The following DNAH14 variants were observed in gnomAD, a reference collection of about 807,000 sequenced individuals.
DNAH14 encodes axonemal beta dynein heavy chain 14.
A neutral mutation model predicts 520.9 loss-of-function variants in DNAH14; 478 were observed. The ratio of observed to expected loss-of-function variants is 0.92; its 90% CI spans 0.85 to 0.99. The LOEUF is 0.99. Ranked by LOEUF, DNAH14 falls within the 50% of genes least tolerant of loss-of-function variation. The pLI is 0.00. For missense variants in DNAH14, 4,831 were observed against 5,234.5 expected, an observed-to-expected ratio of 0.92 and a Z score of 2.38; for synonymous variants, 1,581 against 1,757.2, an observed-to-expected ratio of 0.90 and a Z score of 2.51.
chr1:225,139,142 C>T (rs2079209673), intron 27 of DNAH14, among the ~76,000 whole-genome samples: 1 of 152,158 alleles, frequency 6.6e-6, no homozygotes, highest in Admixed American at 6.5e-5. Context: ...TTGTTCTCCA[C>T]TTGACTGAAT....
intron 36 of DNAH14, among the ~76,000 whole-genome samples, chr1:225,176,390 T>C (rs565788247): frequency 9.2e-5 from 14 of 152,198 alleles, no homozygotes; most frequent in Non-Finnish European, 2.1e-4. Flanking sequence ...TCTTTGAAAA[T>C]GTTCCATGTG....
At position 225,290,928 on chromosome 1, in the gene DNAH14, T is replaced by C. The variant is rs527296560; in HGVS notation, c.8469+846T>C. On this transcript the variant is annotated intron_variant, in intron 55 of 85. Transcript: ENST00000682510. ...GACACTATATAATATATTATTGTTA[T>C]GTATAGTTATCCTACAATGCTATAG... Among the ~76,000 whole-genome samples, 21 of 151,874 alleles carry C rather than the reference T, an allele frequency of 1.4e-4. No individual in the cohort carries two copies. The South Asian group carries it at 4.4e-3, about 31-fold the overall frequency.
chr1:225,257,786 T>C (rs144922323), intron 44 of DNAH14, among the ~76,000 whole-genome samples, 174 bp from the exon 45 acceptor site: 172 of 151,982 alleles, frequency 1.1e-3, no homozygotes, highest in African/African-American at 4.0e-3. Context: ...CTGCCAGCCT[T>C]GGCCTCCCAA....
chr1:225,360,367 G>A (rs1344200966), intron 74 of DNAH14, among the ~76,000 whole-genome samples: 1 of 152,222 alleles, frequency 6.6e-6, no homozygotes, highest in African/African-American at 2.4e-5. Context: ...AGTTAAAAAT[G>A]TAGTATTTTA....
intron 5 of DNAH14, among the ~76,000 whole-genome samples, chr1:224,965,801 G>A (rs930265764): frequency 2.0e-5 from 3 of 152,040 alleles, no homozygotes; most frequent in African/African-American, 7.2e-5. Context: ...TTAAATATAT[G>A]CCATGGTGCC....
chr1:225,176,325 A>T (rs2083328641), intron 36 of DNAH14, among the ~76,000 whole-genome samples: 1 of 152,036 alleles, frequency 6.6e-6, no homozygotes, highest in African/African-American at 2.4e-5. Context: ...ACTTGATTGG[A>T]TTTCCATTTT....
intron 21 of DNAH14, 148 bp from the exon 22 acceptor site, chr1:225,096,970 G>T: frequency 1.6e-6 from 1 of 637,020 alleles, no homozygotes; most frequent in African/African-American, 1.8e-5. Flanking sequence ...AATACAATTA[G>T]ATCTGTATTC....
chr1:225,068,220 CTTGTCT>C (rs1447606326), intron 17 of DNAH14, among the ~76,000 whole-genome samples: 1 of 152,140 alleles, frequency 6.6e-6, no homozygotes, highest in African/African-American at 2.4e-5. Flanking sequence ...TTCCCCATTG[CTTGTCT>C]TTGTCAGGTT....
In DNAH14 at chr1:225,381,591, T is replaced by G; in HGVS notation, c.13077+12T>G. On this transcript the variant is annotated intron_variant, in intron 81 of 85. Transcript: ENST00000682510. ...CTACATTGTGGCAGGTAAGCAATTA[T>G]TATTATTTCCTATTTTCTTGCTTGC... 4 of 1,492,976 alleles carry G rather than the reference T, an allele frequency of 2.7e-6. No homozygotes were observed. The highest frequency in any genetic ancestry group is 3.6e-6 in the Non-Finnish European group (4 of 1,118,998). The allele number at this position is 1,492,976 out of a possible 1,614,324, so 92.5% of individuals were successfully genotyped here.
chr1:225,308,428 T>C lies in DNAH14; in HGVS notation c.9240+18T>C, dbSNP rs773279136. 128 of 1,502,882 alleles carry C rather than the reference T, an allele frequency of 8.5e-5. No homozygotes were observed. The highest frequency in any genetic ancestry group is 1.1e-4 in the Non-Finnish European group (123 of 1,131,702). 93.1% of individuals were successfully genotyped at this position (1,502,882 alleles called of 1,614,324 possible). A position where few individuals can be genotyped will look rare whatever the true frequency, so the allele number is the denominator to read the frequency against. Reference sequence around the variant, plus strand: ...ATGCTCAGGTAAAATTAAAATATTGTCAATAAAAATAATTTGGAGATTTGA... The same window carrying C: ...ATGCTCAGGTAAAATTAAAATATTGCCAATAAAAATAATTTGGAGATTTGA... On this transcript the variant is annotated intron_variant, in intron 60 of 85. Coordinates refer to ENST00000682510, the MANE Select transcript of DNAH14 (RefSeq NM_001367479.1).
At chr1:225,117,365 TAA>T (rs1156435781) in intron 23 of DNAH14, among the ~76,000 whole-genome samples, 1 of 150,998 alleles carries the variant, frequency 6.6e-6, no homozygotes, top group African/African-American at 2.4e-5. Flanking sequence ...TCAATAATAA[TAA>T]TAATTATTAT....
At chr1:225,384,658 C>A (rs767029455) in intron 81 of DNAH14, among the ~76,000 whole-genome samples, 11 of 152,168 alleles carry the variant, frequency 7.2e-5, no homozygotes, top group Admixed American at 1.3e-4. Flanking sequence ...GACAGGTACA[C>A]CCTCCCAAGA....
chr1:225,205,071 T>G (rs147608589), intron 39 of DNAH14, among the ~76,000 whole-genome samples: 13 of 152,278 alleles, frequency 8.5e-5, no homozygotes, highest in African/African-American at 2.6e-4. Flanking sequence ...ATTTTCTGTC[T>G]GCATAGTGAC....
chr1:225,016,912 A>G (rs1259426741), intron 10 of DNAH14, among the ~76,000 whole-genome samples: 3 of 151,752 alleles, frequency 2.0e-5, no homozygotes, highest in African/African-American at 4.8e-5. Flanking sequence ...TATGATATAT[A>G]TCTTTATTTA....
intron 60 of DNAH14, 68 bp from the exon 61 acceptor site, chr1:225,318,503 TCCAAGTTCAGCA>T: frequency 8.1e-7 from 1 of 1,233,432 alleles, no homozygotes; most frequent in Non-Finnish European, 1.1e-6. Flanking sequence ...AATTATATTT[TCCAAGTTCAGCA>T]TACAAAAATT....
At chr1:225,268,128 T>C (rs2093185750) in intron 49 of DNAH14, among the ~76,000 whole-genome samples, 1 of 152,136 alleles carries the variant, frequency 6.6e-6, no homozygotes, top group Non-Finnish European at 1.5e-5. Context: ...CTAACCTCAA[T>C]AACATATTGC....
chr1:225,326,349 C>T (rs2094668298), intron 64 of DNAH14, among the ~76,000 whole-genome samples: 1 of 152,152 alleles, frequency 6.6e-6, no homozygotes, highest in African/African-American at 2.4e-5. Flanking sequence ...GAAGTGATAT[C>T]CAAAATATTT....
At chr1:225,168,553 C>A (rs2082273149) in intron 36 of DNAH14, among the ~76,000 whole-genome samples, 2 of 152,224 alleles carry the variant, frequency 1.3e-5, no homozygotes, top group South Asian at 4.1e-4. Flanking sequence ...TCACTCATGG[C>A]TAGCACAGCA....
chr1:225,340,121 C>T (rs1002380794), intron 68 of DNAH14, among the ~76,000 whole-genome samples: 1 of 151,940 alleles, frequency 6.6e-6, no homozygotes, highest in South Asian at 2.1e-4. Context: ...CTCCTCAAAT[C>T]CCTCCATTGG....
Sources: allele counts gnomAD v4.1 joint callset (sites outside exome capture counted in the v4.1 genomes callset), GRCh38; gene constraint gnomAD v4.1.1; transcripts MANE v1.5; gene names NCBI Gene and HGNC (gene_info 2026-07-23, HGNC 2026-07-21).